The following GABRB1 variants were observed in gnomAD, a reference collection of about 807,000 sequenced individuals.
The protein encoded by GABRB1 is gamma-aminobutyric acid type A receptor subunit beta1.
Under a neutral mutation model 51.6 loss-of-function variants are expected in GABRB1, and 17 were observed. That is an observed-to-expected ratio of 0.33 (90% CI 0.23 to 0.49). The LOEUF is 0.49. Among genes scored for constraint, GABRB1 ranks in the 20% least tolerant of loss-of-function variants. GABRB1 has a pLI of 0.99. For missense variants in GABRB1, 410 were observed against 600.6 expected (o/e 0.68, Z 3.32); for synonymous variants, 247 against 218.9 (o/e 1.13, Z -1.14).
chr4:47,338,554 C>T (rs1725778810), intron 5 of GABRB1, among the ~76,000 whole-genome samples: 1 of 152,166 alleles, frequency 6.6e-6, no homozygotes, highest in Non-Finnish European at 1.5e-5. Flanking sequence ...TCCTTTTAGG[C>T]TTGTGATCAC....
At chr4:47,106,860 T>C (rs1714993341) in intron 3 of GABRB1, among the ~76,000 whole-genome samples, 1 of 152,152 alleles carries the variant, frequency 6.6e-6, no homozygotes, top group South Asian at 2.1e-4. Context: ...GGGATCACTT[T>C]ATCTGTGTGA....
chr4:47,239,602 A>C (rs765079269), intron 4 of GABRB1, among the ~76,000 whole-genome samples: 1 of 152,216 alleles, frequency 6.6e-6, no homozygotes, highest in African/African-American at 2.4e-5. Context: ...CGAGAAACAG[A>C]ACTTAGTAAA....
chr4:47,045,121 C>T (rs1726026939), intron 3 of GABRB1, among the ~76,000 whole-genome samples: 1 of 152,036 alleles, frequency 6.6e-6, no homozygotes, highest in Non-Finnish European at 1.5e-5. Context: ...AAGATCTGTT[C>T]TGTTGGCATT....
At chr4:47,022,224 A>G (rs755099861) in intron 1 of GABRB1, among the ~76,000 whole-genome samples, 4 of 152,046 alleles carry the variant, frequency 2.6e-5, no homozygotes, top group Admixed American at 6.6e-5. Flanking sequence ...TTGTTTTCCT[A>G]TAGTAATCCT....
intron 5 of GABRB1, among the ~76,000 whole-genome samples, chr4:47,354,174 C>T (rs914510714): frequency 1.3e-5 from 2 of 152,178 alleles, no homozygotes; most frequent in Non-Finnish European, 2.9e-5. Flanking sequence ...GGGGGCAGCC[C>T]TCAACATGAC....
At position 47,328,921 on chromosome 4, in the gene GABRB1, A is replaced by T. The variant is rs555498356; in HGVS notation, c.544+8712A>T. On this transcript the variant is annotated intron_variant, in intron 5 of 8. Coordinates refer to ENST00000295454, the MANE Select transcript of GABRB1 (RefSeq NM_000812.4). Reference sequence around the variant, plus strand: ...ACCCTAAAACTTAAAGTATAATAAAAAAAAAAAAAGAAATATCTGTCCACC... The same window carrying T: ...ACCCTAAAACTTAAAGTATAATAAATAAAAAAAAAGAAATATCTGTCCACC... Among the ~76,000 whole-genome samples, 4 of 152,154 alleles carry T rather than the reference A, an allele frequency of 2.6e-5. No individual in the cohort carries two copies. The South Asian group carries it at 8.3e-4, about 32-fold the overall frequency.
chr4:47,352,308 T>A (rs1160154845), intron 5 of GABRB1, among the ~76,000 whole-genome samples: 5 of 152,294 alleles, frequency 3.3e-5, no homozygotes, highest in Admixed American at 2.6e-4. Flanking sequence ...CAGGACCAGA[T>A]GGATTCACAG....
intron 3 of GABRB1, among the ~76,000 whole-genome samples, chr4:47,124,537 T>G (rs558436779): frequency 2.0e-5 from 3 of 152,132 alleles, no homozygotes; most frequent in Admixed American, 6.5e-5. Context: ...ATCTATAAAT[T>G]GCCTGACAAA....
chr4:47,153,235 C>G (rs942293812), intron 3 of GABRB1, among the ~76,000 whole-genome samples: 1 of 151,958 alleles, frequency 6.6e-6, no homozygotes, highest in Non-Finnish European at 1.5e-5. Flanking sequence ...AGTAAACAAC[C>G]ATTAAAAGTT....
chr4:47,246,037 A>G lies in GABRB1; in HGVS notation c.462-74090A>G, dbSNP rs371041898. ...TCATCCAAGCAGTATACACTGCACC[A>G]TATTTGTAGTCTTTTATCCCTTACC... On this transcript the variant is annotated intron_variant, in intron 4 of 8. Transcript: ENST00000295454. 9.1e-4 allele frequency among the ~76,000 whole-genome samples: 136 copies of G among 149,314 alleles called. 1 individual carries two copies. Among genetic ancestry groups the G allele is most frequent in the African/African-American group, 2.8e-3 (114 of 40,706 alleles).
chr4:47,340,852 A>T (rs1725868078), intron 5 of GABRB1, among the ~76,000 whole-genome samples: 1 of 152,196 alleles, frequency 6.6e-6, no homozygotes, highest in African/African-American at 2.4e-5. Flanking sequence ...TAGCGATGCC[A>T]AGTTGACATA....
chr4:46,998,353 G>T (rs1481933085), intron 1 of GABRB1, among the ~76,000 whole-genome samples: 1 of 152,068 alleles, frequency 6.6e-6, no homozygotes, highest in East Asian at 1.9e-4. Flanking sequence ...TAGTCTCCAA[G>T]ATCTCACATT....
intron 3 of GABRB1, among the ~76,000 whole-genome samples, chr4:47,128,908 A>G (rs1716285000): frequency 6.6e-6 from 1 of 152,064 alleles, no homozygotes. Context: ...TCCCTTAGGT[A>G]CAAAACCGTA....
chr4:47,066,632 C>G (rs950944492), intron 3 of GABRB1, among the ~76,000 whole-genome samples: 7 of 152,226 alleles, frequency 4.6e-5, no homozygotes, highest in African/African-American at 1.7e-4. Context: ...AATAACTCCT[C>G]ATCCATCCAA....
chr4:47,092,048 T>C (rs1270690241), intron 3 of GABRB1, among the ~76,000 whole-genome samples: 1 of 152,146 alleles, frequency 6.6e-6, no homozygotes, highest in Non-Finnish European at 1.5e-5. Context: ...CCTTTCTTTA[T>C]AGCATTTCTT....
chr4:47,123,886 T>TATAATATA (rs1553917550), intron 3 of GABRB1, among the ~76,000 whole-genome samples: 1 of 77,888 alleles, frequency 1.3e-5, no homozygotes, highest in African/African-American at 4.4e-5. Flanking sequence ...ATATATAATA[T>TATAATATA]ATATAATATA....
intron 4 of GABRB1, among the ~76,000 whole-genome samples, chr4:47,264,330 AAAAAT>A (rs1722565397): frequency 6.6e-6 from 1 of 152,204 alleles, no homozygotes; most frequent in African/African-American, 2.4e-5. Flanking sequence ...TATATGCTGA[AAAAAT>A]AAACCAGAGA....
At chr4:47,062,149 C>T (rs1375937402) in intron 3 of GABRB1, among the ~76,000 whole-genome samples, 1 of 152,112 alleles carries the variant, frequency 6.6e-6, no homozygotes, top group African/African-American at 2.4e-5. Context: ...ACTGCATCAC[C>T]TTAAGAGGCA....
chr4:47,321,565 A>G (rs1031490737), intron 5 of GABRB1, among the ~76,000 whole-genome samples: 1 of 139,232 alleles, frequency 7.2e-6, no homozygotes, highest in Non-Finnish European at 1.5e-5. Flanking sequence ...TGGTTCAGAT[A>G]TCAAAAATGA....
Sources: allele counts gnomAD v4.1 joint callset (sites outside exome capture counted in the v4.1 genomes callset), GRCh38; gene constraint gnomAD v4.1.1; transcripts MANE v1.5; gene names NCBI Gene and HGNC (gene_info 2026-07-23, HGNC 2026-07-21).